Variants in ZCCHC2 observed in about 807,000 individuals in gnomAD.
ZCCHC2 encodes zinc finger CCHC domain-containing protein 2.
ZCCHC2 carries 39 observed loss-of-function variants against 103.6 expected under a neutral mutation model. That is an observed-to-expected ratio of 0.38 (90% CI 0.29 to 0.49). The LOEUF is 0.49. Ranked by LOEUF, ZCCHC2 falls within the 20% of genes least tolerant of loss-of-function variation. The pLI is 0.96. For synonymous variants in ZCCHC2, 687 were observed against 608.9 expected (o/e 1.13, Z -1.89); for missense variants, 1,483 against 1,491.0 (o/e 0.99, Z 0.09).
At chr18:62,536,062 G>T (rs558153423) in intron 1 of ZCCHC2, among the ~76,000 whole-genome samples, 2 of 152,302 alleles carry the variant, frequency 1.3e-5, no homozygotes, top group East Asian at 3.9e-4. Context: ...TGTTCTAATG[G>T]TATGTTTTCA....
At chr18:62,561,179 A>G (rs974264570) in intron 8 of ZCCHC2, among the ~76,000 whole-genome samples, 6 of 152,180 alleles carry the variant, frequency 3.9e-5, no homozygotes, top group Non-Finnish European at 8.8e-5. Context: ...AGTATTTCCT[A>G]TAGTCACATC....
chr18:62,548,009 G>A (rs1180362856), intron 4 of ZCCHC2, among the ~76,000 whole-genome samples: 1 of 152,194 alleles, frequency 6.6e-6, no homozygotes, highest in African/African-American at 2.4e-5. Flanking sequence ...GAGTTTGAAA[G>A]TTTGCTGAAT....
At position 62,523,338 on chromosome 18, in the gene ZCCHC2, C is replaced by A; in HGVS notation, c.-87C>A. 1 of 987,136 alleles carries A rather than the reference C, an allele frequency of 1.0e-6. No homozygotes were observed. 61.1% of individuals were successfully genotyped at this position (987,136 alleles called of 1,614,324 possible). ...CGGCATGGAGGGGCCCCGCTCCTGACGGCCGCGCCGCCGCCTCGGCCCGTG... is the reference window on the plus strand; with the variant it reads ...CGGCATGGAGGGGCCCCGCTCCTGAAGGCCGCGCCGCCGCCTCGGCCCGTG... On this transcript the variant is annotated 5_prime_UTR_variant, in exon 1 of 14. Transcript: ENST00000269499.
intron 12 of ZCCHC2, among the ~76,000 whole-genome samples, chr18:62,572,128 C>G (rs184447332): frequency 1.3e-5 from 2 of 152,256 alleles, no homozygotes; most frequent in Admixed American, 1.3e-4. Flanking sequence ...GTTGCCCAGG[C>G]TGGTCTTGAA....
At chr18:62,561,562 G>A (rs911565428) in intron 8 of ZCCHC2, among the ~76,000 whole-genome samples, 1 of 152,200 alleles carries the variant, frequency 6.6e-6, no homozygotes, top group African/African-American at 2.4e-5. Flanking sequence ...GAAGCTCGGA[G>A]CTCCTGATGC....
At chr18:62,562,545 A>G (rs1850031394) in intron 8 of ZCCHC2, among the ~76,000 whole-genome samples, 2 of 152,064 alleles carry the variant, frequency 1.3e-5, no homozygotes, top group Non-Finnish European at 2.9e-5. Flanking sequence ...GTATTTGTCA[A>G]CCATGTTAAG....
chr18:62,541,641 C>T (rs1223955671), intron 2 of ZCCHC2, among the ~76,000 whole-genome samples: 1 of 152,168 alleles, frequency 6.6e-6, no homozygotes, highest in African/African-American at 2.4e-5. Flanking sequence ...GATATTACCT[C>T]CCTCATTATC....
At chr18:62,549,388 G>T (rs563798745) in intron 4 of ZCCHC2, among the ~76,000 whole-genome samples, 14 of 152,216 alleles carry the variant, frequency 9.2e-5, no homozygotes, top group Admixed American at 7.9e-4. Context: ...AATGCTTTAT[G>T]CTACCTTTGC....
chr18:62,544,736 G>A, intron 3 of ZCCHC2, 66 bp from the exon 4 acceptor site: 1 of 1,370,218 alleles, frequency 7.3e-7, no homozygotes, highest in Non-Finnish European at 9.9e-7. Context: ...TTTTGCACAT[G>A]GCTTTTTTCT....
At chr18:62,544,737 G>A in intron 3 of ZCCHC2, 65 bp from the exon 4 acceptor site, 3 of 1,384,512 alleles carry the variant, frequency 2.2e-6, no homozygotes, top group Middle Eastern at 1.8e-4. Flanking sequence ...TTTGCACATG[G>A]CTTTTTTCTA....
intron 1 of ZCCHC2, among the ~76,000 whole-genome samples, chr18:62,530,240 A>T (rs1444140627): frequency 6.6e-6 from 1 of 152,192 alleles, no homozygotes; most frequent in Non-Finnish European, 1.5e-5. Flanking sequence ...AGCCATGTTT[A>T]GTAGATCCCT....
intron 7 of ZCCHC2, among the ~76,000 whole-genome samples, chr18:62,559,031 A>G (rs1445762519): frequency 2.0e-5 from 3 of 152,256 alleles, no homozygotes; most frequent in Non-Finnish European, 4.4e-5. Flanking sequence ...AAATAGGTAT[A>G]ATTAGATTCC....
At position 62,574,780 on chromosome 18, in the gene ZCCHC2, T is replaced by C. The variant is rs768507813; in HGVS notation, c.2699T>C (p.Val900Ala). 20 of 1,613,834 alleles carry C rather than the reference T, an allele frequency of 1.2e-5. 1 individual carries two copies. Among genetic ancestry groups the C allele is most frequent in the South Asian group, 7.7e-5 (7 of 91,084 alleles). ...GTVPQPTNVKVVLPAAGLSAA... is the reference protein window; with the variant it reads ...GTVPQPTNVKAVLPAAGLSAA... ...GTCCCTCAGCCTACCAATGTGAAGG[T>C]AGTTCTTCCAGCAGCTGGCCTCTCA... Residue 900 changes from valine to alanine, a missense_variant, in exon 13 of 14, where the codon GTA becomes GCA. Physicochemically the swap from Val to Ala is moderately conservative, Grantham distance 64. Transcript: ENST00000269499.
chr18:62,545,861 A>G (rs945643493), intron 4 of ZCCHC2, among the ~76,000 whole-genome samples: 4 of 152,210 alleles, frequency 2.6e-5, no homozygotes, highest in Non-Finnish European at 5.9e-5. Flanking sequence ...ATCATTCTTA[A>G]ATCTATGAGA....
chr18:62,574,020 G>A (rs774555072), intron 12 of ZCCHC2, 37 bp from the exon 13 acceptor site: 4 of 1,568,474 alleles, frequency 2.6e-6, no homozygotes, highest in African/African-American at 2.7e-5. Flanking sequence ...TGGGAGTTAT[G>A]CCCGTGTTAA....
chr18:62,535,405 A>G (rs918689960), intron 1 of ZCCHC2, among the ~76,000 whole-genome samples: 1 of 152,238 alleles, frequency 6.6e-6, no homozygotes, highest in East Asian at 1.9e-4. Context: ...CTGCCTATTT[A>G]AAGAACAGAA....
At chr18:62,548,112 C>T (rs1915495803) in intron 4 of ZCCHC2, among the ~76,000 whole-genome samples, 1 of 152,154 alleles carries the variant, frequency 6.6e-6, no homozygotes, top group Non-Finnish European at 1.5e-5. Context: ...GGTACAAAAA[C>T]CTTTCATTCC....
intron 4 of ZCCHC2, among the ~76,000 whole-genome samples, chr18:62,546,487 A>T (rs1445965851): frequency 6.6e-5 from 10 of 152,246 alleles, no homozygotes; most frequent in African/African-American, 2.2e-4. Context: ...GTTAAGGAGT[A>T]GCCTGTTTTC....
At chr18:62,528,193 A>G (rs1333547273) in intron 1 of ZCCHC2, among the ~76,000 whole-genome samples, 3 of 152,254 alleles carry the variant, frequency 2.0e-5, no homozygotes, top group South Asian at 4.1e-4. Context: ...AAATTATCCT[A>G]TGTCTTTGTG....
Sources: gnomAD v4.1 joint callset for allele counts (sites outside exome capture counted in the v4.1 genomes callset) on GRCh38, gnomAD v4.1.1 for gene constraint, MANE v1.5 for transcripts, NCBI Gene and HGNC (gene_info 2026-07-23, HGNC 2026-07-21) for gene names.